Variants in EBF2 observed in about 807,000 individuals in gnomAD.
EBF2 encodes transcription factor COE2.
Under a neutral mutation model 72.8 loss-of-function variants are expected in EBF2, and 21 were observed. That is an observed-to-expected ratio of 0.29 (90% CI 0.20 to 0.42). The LOEUF (loss-of-function observed/expected upper bound fraction) is 0.42, where lower values mean the gene tolerates loss of function less well. Among genes scored for constraint, EBF2 ranks in the 10% least tolerant of loss-of-function variants. The probability of loss-of-function intolerance (pLI) is 1.00; values close to 1 mark genes in which losing one functional copy is unlikely to be tolerated. For synonymous variants in EBF2, 299 were observed against 274.2 expected (o/e 1.09, Z -0.89); for missense variants, 637 against 731.2 (o/e 0.87, Z 1.49).
intron 6 of EBF2, among the ~76,000 whole-genome samples, chr8:25,973,603 A>T (rs1313835038): frequency 1.3e-5 from 2 of 152,184 alleles, no homozygotes; most frequent in Non-Finnish European, 2.9e-5. Context: ...CTCTCAAATC[A>T]CATTTCCATC....
chr8:26,005,872 T>C (rs1804872845), intron 6 of EBF2, among the ~76,000 whole-genome samples: 1 of 151,250 alleles, frequency 6.6e-6, no homozygotes, highest in Non-Finnish European at 1.5e-5. Context: ...GAAAGACTCA[T>C]GCTTTGAAGC....
chr8:25,988,372 C>A lies in EBF2; in HGVS notation c.551+44713G>T, dbSNP rs549798192. 1.2e-4 allele frequency among the ~76,000 whole-genome samples: 18 copies of A among 152,314 alleles called. No homozygotes were observed. In the South Asian group the frequency reaches 3.5e-3, roughly 30 times the overall value. On this transcript the variant is annotated intron_variant, in intron 6 of 15. Coordinates refer to ENST00000520164, the MANE Select transcript of EBF2 (RefSeq NM_022659.4). ...TGCAGAAATATTCTAGGTGATCACA[C>A]ATGCACACATTTAAATGAGTTTTAT...
chr8:25,926,526 A>G (rs532566968), intron 6 of EBF2, among the ~76,000 whole-genome samples: 19 of 152,280 alleles, frequency 1.2e-4, no homozygotes, highest in African/African-American at 4.6e-4. Context: ...ATGTGGATGT[A>G]TCTTTGTCTG....
intron 6 of EBF2, among the ~76,000 whole-genome samples, chr8:25,984,067 G>A (rs1325872529): frequency 6.6e-6 from 1 of 152,216 alleles, no homozygotes; most frequent in African/African-American, 2.4e-5. Flanking sequence ...TCAAAGACAG[G>A]AAAGAGTAAA....
At chr8:25,923,145 G>A (rs983097925) in intron 6 of EBF2, among the ~76,000 whole-genome samples, 3 of 152,172 alleles carry the variant, frequency 2.0e-5, no homozygotes, top group Admixed American at 6.5e-5. Flanking sequence ...AAGGCGCACC[G>A]TGGAGTCGCC....
At chr8:25,988,963 C>T (rs1034723925) in intron 6 of EBF2, among the ~76,000 whole-genome samples, 1 of 152,222 alleles carries the variant, frequency 6.6e-6, no homozygotes, top group African/African-American at 2.4e-5. Context: ...ATTGTATCAT[C>T]CTATCATATT....
chr8:25,914,673 G>A (rs988648770), intron 6 of EBF2, among the ~76,000 whole-genome samples: 18 of 152,222 alleles, frequency 1.2e-4, no homozygotes, highest in Admixed American at 1.2e-3. Flanking sequence ...GAAGATTCAA[G>A]GAAAGGAAAG....
At chr8:26,023,352 C>T (rs1305705301) in intron 6 of EBF2, among the ~76,000 whole-genome samples, 1 of 152,174 alleles carries the variant, frequency 6.6e-6, no homozygotes, top group African/African-American at 2.4e-5. Flanking sequence ...TGTTCTTCTG[C>T]TCCTTGACCC....
At chr8:25,935,381 C>G (rs571477343) in intron 6 of EBF2, among the ~76,000 whole-genome samples, 1 of 152,172 alleles carries the variant, frequency 6.6e-6, no homozygotes, top group Non-Finnish European at 1.5e-5. Flanking sequence ...TCCCTGTTTA[C>G]ACTGGGAATT....
rs370767543 is a variant in EBF2 at position 25,856,972 on chromosome 8, AG to A, written c.1528+1346del. ...GTTTCTTTTAGCTCAGTTTCTTGTT[AG>A]ACTCTGTTTTATATTTTCATACTAT... is the stretch of plus-strand genomic sequence containing the variant. On this transcript the variant is annotated intron_variant, in intron 14 of 15. Transcript: ENST00000520164. 9.4e-4 allele frequency among the ~76,000 whole-genome samples: 143 copies of A among 152,212 alleles called. 1 individual carries two copies. The South Asian group carries it at 0.028, about 30-fold the overall frequency.
intron 15 of EBF2, among the ~76,000 whole-genome samples, chr8:25,846,886 TG>T (rs1563371821): frequency 6.6e-6 from 1 of 152,214 alleles, no homozygotes; most frequent in African/African-American, 2.4e-5. Flanking sequence ...ACTGACTTTT[TG>T]CTTGTAGAAA....
At chr8:25,908,581 A>AT (rs34200265) in intron 6 of EBF2, 26 bp from the exon 7 acceptor site, 717,974 of 1,445,392 alleles carry the variant, frequency 0.5, 187,148 homozygotes, top group East Asian at 0.74. Context: ...GATGTGTTAC[A>AT]TTTTTCAGTA....
intron 6 of EBF2, among the ~76,000 whole-genome samples, chr8:26,016,467 G>C (rs148267657): frequency 6.6e-6 from 1 of 152,098 alleles, no homozygotes; most frequent in Non-Finnish European, 1.5e-5. Context: ...CCTCTACTTA[G>C]TGGGCCAAAG....
Position 25,986,143 on chromosome 8 carries a change from C to T in EBF2, c.551+46942G>A, listed in dbSNP as rs1038982355. ...GAGCAACTATTATATGCTGGGTATA[C>T]ACCATGGTTCTTGCCTTCTTGAAGC... On this transcript the variant is annotated intron_variant, in intron 6 of 15. Coordinates refer to ENST00000520164, the MANE Select transcript of EBF2 (RefSeq NM_022659.4). Among the ~76,000 whole-genome samples the T allele has an allele frequency of 2.0e-5, 3 of 151,628 alleles. 1 individual carries two copies. The South Asian group carries it at 6.3e-4, about 32-fold the overall frequency.
intron 7 of EBF2, among the ~76,000 whole-genome samples, chr8:25,902,524 T>C (rs1465974561): frequency 1.3e-5 from 2 of 151,956 alleles, no homozygotes; most frequent in South Asian, 2.1e-4. Context: ...TTTTAATCAA[T>C]TATTTTAATA....
intron 1 of EBF2, among the ~76,000 whole-genome samples, chr8:26,043,941 C>A (rs1476148438): frequency 6.6e-6 from 1 of 152,152 alleles, no homozygotes; most frequent in African/African-American, 2.4e-5. Context: ...ACGCAGACGC[C>A]TAAACACAAA....
chr8:25,873,932 A>G (rs1348574686), intron 10 of EBF2, among the ~76,000 whole-genome samples: 1 of 152,162 alleles, frequency 6.6e-6, no homozygotes, highest in Non-Finnish European at 1.5e-5. Flanking sequence ...GGGGCTAACA[A>G]CGGAGACATC....
At position 26,044,943 on chromosome 8, in the gene EBF2, G is replaced by A. The variant is rs1488076392; in HGVS notation, c.-84C>T. ...CTGTTCCCAACGTTGCCAGCAAATC[G>A]TCTCCTCCAAAGCAATCCAAGAAAA... On this transcript the variant is annotated 5_prime_UTR_variant, in exon 1 of 16. It adds an upstream start codon to the 5' untranslated region. Coordinates refer to ENST00000520164, the MANE Select transcript of EBF2 (RefSeq NM_022659.4). The surrounding 1 kb of genome is among the most constrained non-coding windows in gnomAD (Gnocchi z 4.1). 4 of 1,475,802 alleles carry A rather than the reference G, an allele frequency of 2.7e-6. No individual in the cohort carries two copies. Among genetic ancestry groups the A allele is most frequent in the South Asian group, 1.3e-5 (1 of 76,812 alleles). The allele number at this position is 1,475,802 out of a possible 1,614,324, so 91.4% of individuals were successfully genotyped here. A position where few individuals can be genotyped will look rare whatever the true frequency, so the allele number is the denominator to read the frequency against.
At chr8:26,034,049 C>A (rs1385338044) in intron 5 of EBF2, among the ~76,000 whole-genome samples, 1 of 152,066 alleles carries the variant, frequency 6.6e-6, no homozygotes, top group Non-Finnish European at 1.5e-5. Context: ...ATTTGTGGCT[C>A]AGTAAATAAT....
Sources: gnomAD v4.1 joint callset for allele counts (sites outside exome capture counted in the v4.1 genomes callset) on GRCh38, gnomAD v4.1.1 for gene constraint, Gnocchi (gnomAD v3.1) non-coding constraint, MANE v1.5 for transcripts, NCBI Gene and HGNC (gene_info 2026-07-23, HGNC 2026-07-21) for gene names.